DRC11: variants seen among roughly 807,000 people sequenced by gnomAD.
The protein encoded by DRC11 is dynein regulatory complex subunit 11, also known as IQ and AAA domain-containing protein 1.
chr2:236,346,435 T>C, the DRC11 span, among the ~76,000 whole-genome samples: 1 of 152,204 alleles, frequency 6.6e-6, no homozygotes, highest in African/African-American at 2.4e-5. Flanking sequence ...CATTAATTGA[T>C]GGCCCTGGTC....
chr2:236,377,170 C>T, the DRC11 span: 6 of 1,611,576 alleles, frequency 3.7e-6, no homozygotes, highest in East Asian at 1.1e-4. This position sits in a 1 kb window ranked among gnomAD's most constrained non-coding sequence, Gnocchi z 4.9. Flanking sequence ...GTTCCTTATA[C>T]AGAGACTCGA....
the DRC11 span, chr2:236,503,688 C>A: frequency 1.9e-6 from 3 of 1,550,868 alleles, no homozygotes; most frequent in South Asian, 3.6e-5. This position sits in a 1 kb window ranked among gnomAD's most constrained non-coding sequence, Gnocchi z 4.9. Flanking sequence ...CCTCTTCCCT[C>A]GAGACTGTCT....
chr2:236,431,980 T>C, the DRC11 span, among the ~76,000 whole-genome samples: 1 of 152,200 alleles, frequency 6.6e-6, no homozygotes, highest in Admixed American at 6.5e-5. This position sits in a 1 kb window ranked among gnomAD's most constrained non-coding sequence, Gnocchi z 4.2. Context: ...CTTTGGTAAA[T>C]TTATGTTTAA....
At chr2:236,386,914 T>C in the DRC11 span, among the ~76,000 whole-genome samples, 1 of 146,012 alleles carries the variant, frequency 6.8e-6, no homozygotes, top group Non-Finnish European at 1.5e-5. Context: ...CTTCATTTCG[T>C]TATGTACCCA....
the DRC11 span, among the ~76,000 whole-genome samples, chr2:236,461,228 A>C: frequency 1.3e-5 from 2 of 152,198 alleles, no homozygotes; most frequent in Non-Finnish European, 2.9e-5. This position sits in a 1 kb window ranked among gnomAD's most constrained non-coding sequence, Gnocchi z 4.0. Flanking sequence ...CATTTACAGA[A>C]AATATATTTT....
the DRC11 span, among the ~76,000 whole-genome samples, chr2:236,355,075 C>G: frequency 6.6e-6 from 1 of 152,344 alleles, no homozygotes; most frequent in South Asian, 2.1e-4. Flanking sequence ...AGGCTCCCTC[C>G]CCACCCTGGG....
the DRC11 span, among the ~76,000 whole-genome samples, chr2:236,403,807 A>AG: frequency 6.6e-6 from 1 of 152,010 alleles, no homozygotes; most frequent in African/African-American, 2.4e-5. Flanking sequence ...AGAACTGCAC[A>AG]GGGCCTGCCT....
At chr2:236,343,972 ATTTGC>A in the DRC11 span, among the ~76,000 whole-genome samples, 1 of 151,722 alleles carries the variant, frequency 6.6e-6, no homozygotes, top group Admixed American at 6.6e-5. The surrounding 1 kb of genome is among the most constrained non-coding windows in gnomAD (Gnocchi z 6.6). Flanking sequence ...GTTAACCACT[ATTTGC>A]TTTGGTGCAA....
At chr2:236,397,873 T>C in the DRC11 span, among the ~76,000 whole-genome samples, 4 of 152,216 alleles carry the variant, frequency 2.6e-5, no homozygotes, top group Non-Finnish European at 5.9e-5. This position sits in a 1 kb window ranked among gnomAD's most constrained non-coding sequence, Gnocchi z 5.0. Flanking sequence ...CCCCAACATA[T>C]AAGCTCATTG....
At chr2:236,333,668 G>A in the DRC11 span, among the ~76,000 whole-genome samples, 8 of 152,312 alleles carry the variant, frequency 5.3e-5, no homozygotes, top group Admixed American at 3.9e-4. The surrounding 1 kb of genome is among the most constrained non-coding windows in gnomAD (Gnocchi z 6.0). Context: ...GGGAAGGGGT[G>A]AGGGCCACGT....
the DRC11 span, among the ~76,000 whole-genome samples, chr2:236,313,897 G>A: frequency 6.6e-6 from 1 of 152,148 alleles, no homozygotes; most frequent in East Asian, 1.9e-4. The surrounding 1 kb of genome is among the most constrained non-coding windows in gnomAD (Gnocchi z 4.5). Flanking sequence ...GGTTGCCAAG[G>A]CTTAAAGGAA....
the DRC11 span, among the ~76,000 whole-genome samples, chr2:236,361,083 A>C: frequency 6.6e-6 from 1 of 152,216 alleles, no homozygotes; most frequent in Non-Finnish European, 1.5e-5. The surrounding 1 kb of genome is among the most constrained non-coding windows in gnomAD (Gnocchi z 5.7). Context: ...CCCCGTTTTG[A>C]AATGAGCACA....
At chr2:236,399,565 A>AC in the DRC11 span, 1 of 1,216,760 alleles carries the variant, frequency 8.2e-7, no homozygotes, top group Non-Finnish European at 1.2e-6. The surrounding 1 kb of genome is among the most constrained non-coding windows in gnomAD (Gnocchi z 7.0). Flanking sequence ...GATAACCGTG[A>AC]CGAGGGTCCA....
chr2:236,404,174 A>AG, the DRC11 span, among the ~76,000 whole-genome samples: 1 of 151,554 alleles, frequency 6.6e-6, no homozygotes, highest in East Asian at 1.9e-4. Context: ...AAAAAAAAAA[A>AG]AAAAAGAAAA....
the DRC11 span, among the ~76,000 whole-genome samples, chr2:236,471,949 G>A: frequency 7.2e-5 from 11 of 152,296 alleles, no homozygotes; most frequent in African/African-American, 2.6e-4. The surrounding 1 kb of genome is among the most constrained non-coding windows in gnomAD (Gnocchi z 4.6). Context: ...GGAGGGTAAG[G>A]AAGAGAATTA....
the DRC11 span, among the ~76,000 whole-genome samples, chr2:236,483,673 C>A: frequency 6.6e-6 from 1 of 152,290 alleles, no homozygotes; most frequent in Middle Eastern, 3.4e-3. The surrounding 1 kb of genome is among the most constrained non-coding windows in gnomAD (Gnocchi z 4.8). Flanking sequence ...GAGGCCATGA[C>A]TGCAGATGAA....
chr2:236,466,278 AACAAGTATAGG>A, the DRC11 span, among the ~76,000 whole-genome samples: 603 of 152,282 alleles, frequency 4.0e-3, 1 homozygote, highest in Non-Finnish European at 7.0e-3. Flanking sequence ...AGCTTCTTTG[AACAAGTATAGG>A]ACCTACGCAT....
chr2:236,484,024 A>C, the DRC11 span, among the ~76,000 whole-genome samples: 4 of 152,228 alleles, frequency 2.6e-5, no homozygotes, highest in Admixed American at 2.6e-4. Context: ...CCTGAAAGTG[A>C]AAAGAGGAAG....
chr2:236,399,751 G>C, the DRC11 span, among the ~76,000 whole-genome samples: 1 of 152,172 alleles, frequency 6.6e-6, no homozygotes, highest in Non-Finnish European at 1.5e-5. The surrounding 1 kb of genome is among the most constrained non-coding windows in gnomAD (Gnocchi z 7.0). Flanking sequence ...CCCCGAGTTT[G>C]ATCCTGTCTT....
Sources: allele counts gnomAD v4.1 joint callset (sites outside exome capture counted in the v4.1 genomes callset), GRCh38; gene constraint gnomAD v4.1.1; non-coding constraint Gnocchi (gnomAD v3.1); transcripts MANE v1.5; gene names NCBI Gene and HGNC (gene_info 2026-07-23, HGNC 2026-07-21).